Variants in DYNC1I1 observed in about 807,000 individuals in gnomAD.
The protein encoded by DYNC1I1 is cytoplasmic dynein 1 intermediate chain 1.
DYNC1I1 carries 43 observed loss-of-function variants against 86.6 expected under a neutral mutation model. That is an observed-to-expected ratio of 0.50 (90% CI 0.39 to 0.64). The LOEUF is 0.64. DYNC1I1 is among the 30% of genes least tolerant of loss of function. DYNC1I1 has a pLI of 0.00. For missense variants in DYNC1I1, 604 were observed against 788.8 expected (o/e 0.77, Z 2.81); for synonymous variants, 262 against 283.7 (o/e 0.92, Z 0.77).
intron 5 of DYNC1I1, among the ~76,000 whole-genome samples, chr7:95,830,069 A>T (rs1221120677): frequency 6.6e-6 from 1 of 152,046 alleles, no homozygotes; most frequent in Admixed American, 6.6e-5. Flanking sequence ...TATTTTAGCC[A>T]TTTTACAATT....
chr7:96,050,546 T>C (rs1177738228), intron 14 of DYNC1I1, among the ~76,000 whole-genome samples: 2 of 152,354 alleles, frequency 1.3e-5, no homozygotes, highest in South Asian at 2.1e-4. Context: ...GGTTGAGTTT[T>C]TGAAGTGGGA....
intron 6 of DYNC1I1, among the ~76,000 whole-genome samples, chr7:95,971,563 T>C (rs1793171694): frequency 6.6e-6 from 1 of 152,176 alleles, no homozygotes. Flanking sequence ...CCAATAATAG[T>C]ATACTAGTAA....
At chr7:96,086,960 G>A (rs1448819172) in intron 16 of DYNC1I1, among the ~76,000 whole-genome samples, 2 of 152,100 alleles carry the variant, frequency 1.3e-5, no homozygotes, top group East Asian at 3.8e-4. Context: ...AAAAAAAAGA[G>A]ATTCAATGGG....
At chr7:96,021,535 A>G (rs1208338854) in intron 10 of DYNC1I1, among the ~76,000 whole-genome samples, 2 of 152,036 alleles carry the variant, frequency 1.3e-5, no homozygotes, top group African/African-American at 4.8e-5. Flanking sequence ...TACATGCCAC[A>G]AATTTACCCT....
chr7:95,874,445 A>G (rs1343910279), intron 6 of DYNC1I1, among the ~76,000 whole-genome samples: 8 of 152,230 alleles, frequency 5.3e-5, no homozygotes, highest in South Asian at 2.1e-4. Flanking sequence ...GACAAAAGAA[A>G]AAAAAGCCAG....
At chr7:95,867,153 T>G (rs549440100) in intron 5 of DYNC1I1, among the ~76,000 whole-genome samples, 12 of 152,198 alleles carry the variant, frequency 7.9e-5, no homozygotes, top group Non-Finnish European at 1.6e-4. Flanking sequence ...TTGTCAGAGA[T>G]CATCTTCAAC....
chr7:95,824,913 AT>A (rs1795170999), intron 4 of DYNC1I1, among the ~76,000 whole-genome samples: 1 of 152,220 alleles, frequency 6.6e-6, no homozygotes, highest in African/African-American at 2.4e-5. Flanking sequence ...ACTTTTGCCC[AT>A]TTTGCATATT....
intron 5 of DYNC1I1, among the ~76,000 whole-genome samples, chr7:95,846,625 CTCTG>C (rs1300572355): frequency 9.8e-5 from 13 of 132,788 alleles, no homozygotes; most frequent in South Asian, 2.6e-4. Flanking sequence ...AAATCTCTCT[CTCTG>C]TGTGTGTGTG....
chr7:95,883,032 G>A (rs1039649411), intron 6 of DYNC1I1, among the ~76,000 whole-genome samples: 1 of 152,074 alleles, frequency 6.6e-6, no homozygotes, highest in Admixed American at 6.5e-5. Context: ...CCCTGTCCGG[G>A]TTTCCTAGTG....
intron 6 of DYNC1I1, among the ~76,000 whole-genome samples, chr7:95,891,376 T>C (rs1790733859): frequency 6.6e-6 from 1 of 152,228 alleles, no homozygotes; most frequent in Non-Finnish European, 1.5e-5. Context: ...GCGTTTGGTC[T>C]AAGGGTAAAA....
chr7:96,091,480 A>G (rs1052402089), intron 16 of DYNC1I1, among the ~76,000 whole-genome samples: 11 of 152,176 alleles, frequency 7.2e-5, no homozygotes, highest in African/African-American at 2.7e-4. Context: ...CTACTCACTT[A>G]ATGTCTTGGC....
rs1258524344 is a variant in DYNC1I1, at chr7:96,076,118, C to T, written c.1571C>T (p.Ser524Phe). ...GACTATGTGTACGATGTCATGTGGT[C>T]CCCCGTGCATCCTGCGCTTTTTGCC... Reference protein sequence around the residue: ...NADYVYDVMWSPVHPALFACV... With the variant: ...NADYVYDVMWFPVHPALFACV... The change falls in exon 15 of 17, where the codon TCC (serine) becomes TTC (phenylalanine). Residue 524 changes from serine to phenylalanine, a missense_variant. Physicochemically the swap from Ser to Phe is radical, Grantham distance 155. Coordinates refer to ENST00000447467, the MANE Select transcript of DYNC1I1 (RefSeq NM_001135556.2). The T allele has an allele frequency of 6.2e-7, 1 of 1,614,198 alleles. No individual in the cohort carries two copies. Among genetic ancestry groups the T allele is most frequent in the Non-Finnish European group, 8.5e-7 (1 of 1,180,042 alleles).
chr7:95,775,259 T>G (rs1391791220), intron 1 of DYNC1I1, among the ~76,000 whole-genome samples: 1 of 152,204 alleles, frequency 6.6e-6, no homozygotes, highest in African/African-American at 2.4e-5. Context: ...TTCCGTACTA[T>G]GAAACAATTA....
chr7:96,070,637 C>T (rs865997631), intron 14 of DYNC1I1, among the ~76,000 whole-genome samples: 1 of 152,214 alleles, frequency 6.6e-6, no homozygotes, highest in Middle Eastern at 3.4e-3. Context: ...GTACCCCCTA[C>T]CACCTACCCA....
At chr7:96,078,776 T>A (rs1257742885) in intron 15 of DYNC1I1, among the ~76,000 whole-genome samples, 1 of 152,184 alleles carries the variant, frequency 6.6e-6, no homozygotes, top group Admixed American at 6.5e-5. Context: ...GAATCCTGTA[T>A]GAACCTTCTA....
chr7:95,846,743 C>T (rs1320291279), intron 5 of DYNC1I1, among the ~76,000 whole-genome samples: 2 of 151,628 alleles, frequency 1.3e-5, no homozygotes, highest in Non-Finnish European at 2.9e-5. Context: ...TGTGGTATCC[C>T]ATACCCAACT....
chr7:95,965,769 A>G (rs1280855693), intron 6 of DYNC1I1, among the ~76,000 whole-genome samples: 1 of 152,158 alleles, frequency 6.6e-6, no homozygotes, highest in African/African-American at 2.4e-5. Context: ...GTTCTTGGCC[A>G]CTCACACATT....
intron 10 of DYNC1I1, among the ~76,000 whole-genome samples, chr7:96,016,326 C>G (rs1302060192): frequency 7.0e-6 from 1 of 142,296 alleles, no homozygotes; most frequent in Non-Finnish European, 1.5e-5. Flanking sequence ...TTTTAATGGT[C>G]TCTCTATAAT....
intron 16 of DYNC1I1, among the ~76,000 whole-genome samples, chr7:96,106,506 G>A (rs1441076092): frequency 6.6e-6 from 1 of 151,954 alleles, no homozygotes; most frequent in Non-Finnish European, 1.5e-5. Flanking sequence ...TTGCACTCCA[G>A]CCTGGGCAAC....
Sources: allele counts gnomAD v4.1 joint callset (sites outside exome capture counted in the v4.1 genomes callset), GRCh38; gene constraint gnomAD v4.1.1; transcripts MANE v1.5; gene names NCBI Gene and HGNC (gene_info 2026-07-23, HGNC 2026-07-21).